PCDH9: variants seen among roughly 807,000 people sequenced by gnomAD.
PCDH9 encodes protocadherin-9.
In PCDH9, 24 loss-of-function variants were observed where a neutral mutation model predicts 70.6. The ratio of observed to expected loss-of-function variants is 0.34; its 90% CI spans 0.25 to 0.48. The LOEUF is 0.48. Among genes scored for constraint, PCDH9 ranks in the 20% least tolerant of loss-of-function variants. The pLI is 0.99. For synonymous variants in PCDH9, 562 were observed against 558.5 expected (o/e 1.01, Z -0.09); for missense variants, 1,281 against 1,503.6 (o/e 0.85, Z 2.45).
At chr13:66,451,771 A>G (rs1035057804) in intron 4 of PCDH9, among the ~76,000 whole-genome samples, 3 of 152,340 alleles carry the variant, frequency 2.0e-5, no homozygotes, top group African/African-American at 7.2e-5. Flanking sequence ...GATCTAATGT[A>G]TACTATTAAC....
intron 3 of PCDH9, among the ~76,000 whole-genome samples, chr13:66,800,098 T>C (rs1360648617): frequency 6.6e-6 from 1 of 152,162 alleles, no homozygotes; most frequent in Non-Finnish European, 1.5e-5. Flanking sequence ...TCACATAATA[T>C]TTAGAATAAA....
chr13:66,902,406 G>A (rs533397411), intron 3 of PCDH9, among the ~76,000 whole-genome samples: 19 of 151,584 alleles, frequency 1.3e-4, no homozygotes, highest in Admixed American at 3.3e-4. Context: ...AATCAAAGTA[G>A]TTTCTTCAAT....
intron 2 of PCDH9, among the ~76,000 whole-genome samples, chr13:67,181,615 G>C (rs1261577677): frequency 6.6e-6 from 1 of 152,106 alleles, no homozygotes; most frequent in Non-Finnish European, 1.5e-5. Context: ...CCTAAACAGG[G>C]AAAGAATTTC....
intron 2 of PCDH9, chr13:67,202,684 G>A (rs1406980423): frequency 1.3e-5 from 2 of 152,060 alleles, no homozygotes; most frequent in African/African-American, 4.8e-5. Flanking sequence ...TTTTAGTGAG[G>A]GGCATAAAAC....
Position 67,225,810 on chromosome 13 carries a change from G to C in PCDH9, c.2631C>G (p.Pro877=). 1 of 1,614,064 alleles carries C rather than the reference G, an allele frequency of 6.2e-7. No individual in the cohort carries two copies. Among genetic ancestry groups the C allele is most frequent in the Non-Finnish European group, 8.5e-7 (1 of 1,179,978 alleles). The part of the protein sequence containing the change: ...KKKKRKKRKS[P]KSSLLNFVTI... ...TAACAAAGTTCAAAAGAGAGCTTTTGGGAGACTTCCTTTTCTTTCTTTTCT... is the reference window on the plus strand; with the variant it reads ...TAACAAAGTTCAAAAGAGAGCTTTTCGGAGACTTCCTTTTCTTTCTTTTCT... The change falls in exon 2 of 5, where the codon CCC becomes CCG. Residue 877 remains proline (P), a synonymous_variant. Transcript: ENST00000377865.
chr13:67,087,201 T>C (rs937415314), intron 2 of PCDH9, among the ~76,000 whole-genome samples: 1 of 151,948 alleles, frequency 6.6e-6, no homozygotes, highest in Non-Finnish European at 1.5e-5. Context: ...TTAAGGTCCT[T>C]TACTACTGTA....
At chr13:66,990,408 T>A (rs1332783561) in intron 2 of PCDH9, among the ~76,000 whole-genome samples, 1 of 151,636 alleles carries the variant, frequency 6.6e-6, no homozygotes, top group Non-Finnish European at 1.5e-5. Context: ...AAAGAATATA[T>A]TAAGCAAATG....
At chr13:66,952,885 C>G (rs138762985) in intron 2 of PCDH9, among the ~76,000 whole-genome samples, 4 of 152,246 alleles carry the variant, frequency 2.6e-5, no homozygotes, top group Non-Finnish European at 5.9e-5. Flanking sequence ...TGCCTCCTAA[C>G]TCTTGTGTGG....
chr13:66,423,188 C>T (rs1034247442), intron 4 of PCDH9, among the ~76,000 whole-genome samples: 1 of 151,864 alleles, frequency 6.6e-6, no homozygotes, highest in African/African-American at 2.4e-5. Flanking sequence ...CCAAAAAAAG[C>T]CCAGAACCAG....
At chr13:66,698,306 A>G (rs765884154) in intron 3 of PCDH9, among the ~76,000 whole-genome samples, 2 of 152,180 alleles carry the variant, frequency 1.3e-5, no homozygotes, top group African/African-American at 2.4e-5. Context: ...ACAACAAAAA[A>G]ATACCTCTGA....
intron 4 of PCDH9, among the ~76,000 whole-genome samples, chr13:66,368,225 A>T (rs1956585349): frequency 6.6e-6 from 1 of 152,106 alleles, no homozygotes; most frequent in Non-Finnish European, 1.5e-5. Context: ...TTACTAAATG[A>T]GTTAAAATTT....
chr13:67,090,031 T>C (rs1382501544), intron 2 of PCDH9, among the ~76,000 whole-genome samples: 1 of 152,066 alleles, frequency 6.6e-6, no homozygotes, highest in East Asian at 1.9e-4. Context: ...TGTTGAGACT[T>C]GTCATTCAAA....
At chr13:66,924,111 C>T (rs1296565543) in intron 2 of PCDH9, among the ~76,000 whole-genome samples, 2 of 151,638 alleles carry the variant, frequency 1.3e-5, no homozygotes, top group African/African-American at 4.8e-5. Context: ...AAGAGACCAC[C>T]TTTTCTCAAA....
chr13:66,822,805 G>C (rs1405366653), intron 3 of PCDH9, among the ~76,000 whole-genome samples: 2 of 152,042 alleles, frequency 1.3e-5, no homozygotes, highest in African/African-American at 4.8e-5. Context: ...ACTGCACTCG[G>C]ATGATATTCT....
chr13:66,960,712 T>G (rs1032713199), intron 2 of PCDH9, among the ~76,000 whole-genome samples: 10 of 152,166 alleles, frequency 6.6e-5, no homozygotes, highest in Non-Finnish European at 1.5e-4. Flanking sequence ...ATAGTAGCAA[T>G]TCATTACAGT....
intron 2 of PCDH9, among the ~76,000 whole-genome samples, chr13:67,105,430 T>G (rs528870407): frequency 2.6e-4 from 39 of 152,198 alleles, no homozygotes; most frequent in African/African-American, 9.1e-4. Context: ...TCTAGATTAC[T>G]GGAAAAGAAG....
At chr13:66,862,510 T>C (rs1372337996) in intron 3 of PCDH9, among the ~76,000 whole-genome samples, 2 of 152,206 alleles carry the variant, frequency 1.3e-5, no homozygotes, top group Admixed American at 6.5e-5. Context: ...CATATTCTTC[T>C]GCTGTGTAGA....
intron 3 of PCDH9, among the ~76,000 whole-genome samples, chr13:66,750,178 A>C: frequency 6.6e-6 from 1 of 152,196 alleles, no homozygotes; most frequent in East Asian, 1.9e-4. Context: ...TTTTAGATAA[A>C]GAGGAAGGGC....
At chr13:67,015,874 A>G (rs565312769) in intron 2 of PCDH9, among the ~76,000 whole-genome samples, 2 of 152,232 alleles carry the variant, frequency 1.3e-5, no homozygotes, top group South Asian at 4.1e-4. Context: ...CTGTTTTATG[A>G]AATTATTTGC....
Sources: allele counts gnomAD v4.1 joint callset (sites outside exome capture counted in the v4.1 genomes callset), GRCh38; gene constraint gnomAD v4.1.1; transcripts MANE v1.5; gene names NCBI Gene and HGNC (gene_info 2026-07-23, HGNC 2026-07-21).